The following ARHGAP6 variants were observed in gnomAD, a reference collection of about 807,000 sequenced individuals.
ARHGAP6 encodes rho GTPase-activating protein 6.
A neutral mutation model predicts 55.7 loss-of-function variants in ARHGAP6; 16 were observed. The ratio of observed to expected loss-of-function variants is 0.29; its 90% confidence interval spans 0.19 to 0.44. The LOEUF is 0.44. ARHGAP6 is among the 20% of genes least tolerant of loss of function. The pLI is 1.00. For missense variants in ARHGAP6, 698 were observed against 808.9 expected (o/e 0.86, Z 1.66); for synonymous variants, 382 against 360.9 (o/e 1.06, Z -0.66).
At chrX:11,178,431 C>G (rs2046265113) in intron 7 of ARHGAP6, among the ~76,000 whole-genome samples, 183 bp from the exon 8 acceptor site, 1 of 109,533 alleles carries the variant, frequency 9.1e-6, no homozygotes, top group South Asian at 4.0e-4. Flanking sequence ...AGATATAAAG[C>G]CAAATTAGAC....
rs1399467429 is a variant in ARHGAP6 at position 11,576,055 on chromosome X, A to G, written c.588+88186T>C. Among the ~76,000 whole-genome samples the G allele has an allele frequency of 5.3e-5, 6 of 112,182 alleles. No homozygotes were observed. In the East Asian group the frequency reaches 1.7e-3, roughly 31 times the overall value. The stretch of plus-strand genomic sequence containing the variant: ...GTGCTGATGGTTCAGAAGCTAAACA[A>G]CAGTGAATTTCCTTGGGAACAAAAT... On this transcript the variant is annotated intron_variant, in intron 1 of 12. Coordinates refer to ENST00000337414, the MANE Select transcript of ARHGAP6 (RefSeq NM_013427.3).
chrX:11,525,220 G>A (rs764037553), intron 1 of ARHGAP6, among the ~76,000 whole-genome samples: 5 of 111,717 alleles, frequency 4.5e-5, no homozygotes, highest in Admixed American at 1.9e-4. Flanking sequence ...CCCTGACTCC[G>A]GTTGTTGGCA....
At position 11,641,311 on chromosome X, in the gene ARHGAP6, T is replaced by A. The variant is rs780964949; in HGVS notation, c.588+22930A>T. ...ATGGAGAGAGCAAAATTCTCTTCCCTTGCATAGAAGCAGAGCAATTTCTGG... is the reference window on the plus strand; with the variant it reads ...ATGGAGAGAGCAAAATTCTCTTCCCATGCATAGAAGCAGAGCAATTTCTGG... On this transcript the variant is annotated intron_variant, in intron 1 of 12. Coordinates refer to ENST00000337414, the MANE Select transcript of ARHGAP6 (RefSeq NM_013427.3). Among the ~76,000 whole-genome samples the A allele has an allele frequency of 1.3e-4, 15 of 111,608 alleles. No homozygotes were observed. The South Asian group carries it at 5.2e-3, about 39-fold the overall frequency.
chrX:11,230,767 C>CAT (rs1404816795), intron 2 of ARHGAP6, among the ~76,000 whole-genome samples: 12 of 110,205 alleles, frequency 1.1e-4, no homozygotes, highest in African/African-American at 4.0e-4. Flanking sequence ...CACACACACA[C>CAT]ATATATATGA....
intron 1 of ARHGAP6, among the ~76,000 whole-genome samples, chrX:11,271,135 C>T (rs937934715): frequency 9.0e-6 from 1 of 111,451 alleles, no homozygotes; most frequent in East Asian, 2.8e-4. Flanking sequence ...CATGTGAACT[C>T]TTTGTAGGGC....
chrX:11,632,006 T>C (rs1025630265), intron 1 of ARHGAP6, among the ~76,000 whole-genome samples: 1 of 112,170 alleles, frequency 8.9e-6, no homozygotes, highest in Non-Finnish European at 1.9e-5. Flanking sequence ...AGGTGGTTTT[T>C]AAATACCCAG....
At chrX:11,381,156 T>C (rs749716787) in intron 1 of ARHGAP6, among the ~76,000 whole-genome samples, 2 of 112,706 alleles carry the variant, frequency 1.8e-5, no homozygotes, top group East Asian at 2.8e-4. Context: ...AAAAAATCTT[T>C]CTATGAGGCA....
intron 1 of ARHGAP6, among the ~76,000 whole-genome samples, chrX:11,475,437 C>T (rs2050393294): frequency 9.1e-6 from 1 of 110,358 alleles, no homozygotes; most frequent in African/African-American, 3.3e-5. Flanking sequence ...GCACCTCCAG[C>T]AGCATATCTT....
intron 1 of ARHGAP6, among the ~76,000 whole-genome samples, chrX:11,566,370 C>T (rs1406441943): frequency 8.9e-6 from 1 of 112,203 alleles, no homozygotes; most frequent in East Asian, 2.8e-4. Flanking sequence ...AGACTTAGGA[C>T]AATTGCTGAG....
At chrX:11,427,813 G>A in intron 1 of ARHGAP6, 4 of 703,409 alleles carry the variant, frequency 5.7e-6, no homozygotes, top group Non-Finnish European at 6.6e-6. Flanking sequence ...GGGGGAGGGG[G>A]AAGAGGAGGA....
chrX:11,307,879 T>C (rs1569295259), intron 1 of ARHGAP6, among the ~76,000 whole-genome samples: 1 of 112,181 alleles, frequency 8.9e-6, no homozygotes, highest in Non-Finnish European at 1.9e-5. Context: ...ATAGTTGCTA[T>C]TACTGTAAAT....
At chrX:11,261,805 G>T (rs761740831) in intron 1 of ARHGAP6, among the ~76,000 whole-genome samples, 33 of 111,413 alleles carry the variant, frequency 3.0e-4, no homozygotes, top group African/African-American at 1.1e-3. Context: ...GACATTTTTG[G>T]TTGTTATAAC....
chrX:11,571,285 T>C (rs776119556), intron 1 of ARHGAP6, among the ~76,000 whole-genome samples: 9 of 111,415 alleles, frequency 8.1e-5, no homozygotes, highest in Admixed American at 4.8e-4. Flanking sequence ...AGGGGTCACC[T>C]GATAGGTAGA....
chrX:11,525,224 G>C (rs1463163086), intron 1 of ARHGAP6, among the ~76,000 whole-genome samples: 1 of 111,774 alleles, frequency 8.9e-6, no homozygotes, highest in Non-Finnish European at 1.9e-5. Flanking sequence ...GACTCCGGTT[G>C]TTGGCAACCA....
chrX:11,375,117 T>C (rs1231658174), intron 1 of ARHGAP6, among the ~76,000 whole-genome samples: 1 of 112,236 alleles, frequency 8.9e-6, no homozygotes, highest in Non-Finnish European at 1.9e-5. Flanking sequence ...GAATGAAACC[T>C]CCAGAAAGCA....
chrX:11,375,159 G>A (rs1298099632), intron 1 of ARHGAP6, among the ~76,000 whole-genome samples: 1 of 111,817 alleles, frequency 8.9e-6, no homozygotes, highest in East Asian at 2.8e-4. Flanking sequence ...ACATTCCTCT[G>A]GAGAGCAAAT....
At position 11,462,919 on chromosome X, in the gene ARHGAP6, C is replaced by G. The variant is rs912502714; in HGVS notation, c.588+201322G>C. ...TGAAATGGCTTTTAAAAGGTAGTGG[C>G]GAGACCCTTGAAAGTACTTGAGTGT... On this transcript the variant is annotated intron_variant, in intron 1 of 12. Coordinates refer to ENST00000337414, the MANE Select transcript of ARHGAP6 (RefSeq NM_013427.3). 1.2e-4 allele frequency among the ~76,000 whole-genome samples: 13 copies of G among 112,644 alleles called. No individual in the cohort carries two copies. In the Admixed American group the frequency reaches 1.2e-3, roughly 11 times the overall value.
chrX:11,447,826 T>G (rs1040125038), intron 1 of ARHGAP6, among the ~76,000 whole-genome samples: 2 of 112,629 alleles, frequency 1.8e-5, no homozygotes, highest in Non-Finnish European at 3.7e-5. Flanking sequence ...AATTTTTCAC[T>G]TAAGGCATTG....
intron 1 of ARHGAP6, among the ~76,000 whole-genome samples, chrX:11,317,230 A>G (rs1383070121): frequency 8.9e-6 from 1 of 112,492 alleles, no homozygotes; most frequent in Non-Finnish European, 1.9e-5. Context: ...AGCACTATTG[A>G]CATTTTGGGT....
Sources: allele counts gnomAD v4.1 joint callset (sites outside exome capture counted in the v4.1 genomes callset), GRCh38; gene constraint gnomAD v4.1.1; transcripts MANE v1.5; gene names NCBI Gene and HGNC (gene_info 2026-07-23, HGNC 2026-07-21).